SLC10A1: variants seen among roughly 807,000 people sequenced by gnomAD.
SLC10A1 encodes the protein hepatic sodium/bile acid cotransporter.
A neutral mutation model predicts 20.5 loss-of-function variants in SLC10A1; 36 were observed. That is an observed-to-expected ratio of 1.75 (90% CI 1.34 to 2.32). The LOEUF (loss-of-function observed/expected upper bound fraction) is 2.32, where lower values mean the gene tolerates loss of function less well. Ranked by LOEUF, SLC10A1 falls within the 30% of genes most tolerant of loss-of-function variation. The pLI, the probability that SLC10A1 is intolerant of heterozygous loss-of-function variation, is 0.00. For synonymous variants in SLC10A1, 188 were observed against 163.6 expected, an observed-to-expected ratio of 1.15 and a Z score of -1.14; for missense variants, 545 against 439.1, an observed-to-expected ratio of 1.24 and a Z score of -2.16.
intron 1 of SLC10A1, among the ~76,000 whole-genome samples, chr14:69,793,675 G>A (rs1255659952): frequency 6.6e-6 from 1 of 152,106 alleles, no homozygotes; most frequent in African/African-American, 2.4e-5. Flanking sequence ...AAGTGCTTGG[G>A]TTGTGTCCAA....
chr14:69,776,083 T>G lies in SLC10A1; in HGVS notation c.*199A>C, dbSNP rs201261380. The G allele has an allele frequency of 1.8e-6, 1 of 559,266 alleles. No individual in the cohort carries two copies. Among genetic ancestry groups the G allele is most frequent in the Non-Finnish European group, 3.2e-6 (1 of 315,478 alleles). 34.6% of individuals were successfully genotyped at this position (559,266 alleles called of 1,614,324 possible). A position where few individuals can be genotyped will look rare whatever the true frequency, so the allele number is the denominator to read the frequency against. Reference sequence around the variant, plus strand: ...CAAGTCTTTAAAATAAGTAGCAAATTCTAAGTTGGGGATAGGTGAGGCTTC... The same window carrying G: ...CAAGTCTTTAAAATAAGTAGCAAATGCTAAGTTGGGGATAGGTGAGGCTTC... On this transcript the variant is annotated 3_prime_UTR_variant, in exon 5 of 5. Transcript: ENST00000216540.
chr14:69,783,023 C>A (rs1883632391), intron 2 of SLC10A1, among the ~76,000 whole-genome samples: 1 of 152,058 alleles, frequency 6.6e-6, no homozygotes, highest in Non-Finnish European at 1.5e-5. Flanking sequence ...TTTTAATATT[C>A]TTTATATTTT....
intron 1 of SLC10A1, among the ~76,000 whole-genome samples, chr14:69,787,554 T>C (rs1027135478): frequency 2.0e-5 from 3 of 152,198 alleles, no homozygotes; most frequent in Non-Finnish European, 4.4e-5. Flanking sequence ...TAAATATGCA[T>C]GAAGAGCAGC....
intron 2 of SLC10A1, among the ~76,000 whole-genome samples, chr14:69,783,723 G>C (rs182828535): frequency 3.3e-5 from 5 of 152,324 alleles, no homozygotes; most frequent in East Asian, 1.9e-4. Context: ...CCTCAGGTTA[G>C]AACTGGGTGA....
intron 2 of SLC10A1, among the ~76,000 whole-genome samples, chr14:69,780,371 G>A (rs1883562087): frequency 7.6e-6 from 1 of 131,996 alleles, no homozygotes; most frequent in South Asian, 2.2e-4. Context: ...TTTATCTCCT[G>A]AGTAAAGAAA....
At chr14:69,777,134 TTTGG>T (rs933206495) in intron 4 of SLC10A1, among the ~76,000 whole-genome samples, 1 of 152,206 alleles carries the variant, frequency 6.6e-6, no homozygotes, top group East Asian at 1.9e-4. Context: ...AATCTGGGAA[TTTGG>T]TTGGTCTAGA....
intron 2 of SLC10A1, among the ~76,000 whole-genome samples, chr14:69,782,680 C>A (rs988526598): frequency 1.3e-5 from 2 of 151,876 alleles, no homozygotes; most frequent in East Asian, 3.9e-4. Context: ...TGGTGGCGGG[C>A]GCCTGTAGTC....
intron 1 of SLC10A1, among the ~76,000 whole-genome samples, chr14:69,786,985 A>C (rs1883731925): frequency 6.6e-6 from 1 of 152,238 alleles, no homozygotes; most frequent in Non-Finnish European, 1.5e-5. Flanking sequence ...GGACTGTAAA[A>C]GAAATAGTGA....
rs1883434503 is a variant in SLC10A1, at chr14:69,775,910, TGGGA to T, written c.*368_*371del. ...CTCTTTTGGGTCACAAAACTTGGAA[TGGGA>T]TTTGGGTATTTGAGTAATGGGTTAA... On this transcript the variant is annotated 3_prime_UTR_variant, in exon 5 of 5. Transcript: ENST00000216540. 6.1e-6 allele frequency: 1 copy of T among 164,084 alleles called. No individual in the cohort carries two copies. The highest frequency in any genetic ancestry group is 1.3e-5 in the Non-Finnish European group (1 of 76,248). The allele number at this position is 164,084 out of a possible 1,614,324, so 10.2% of individuals were successfully genotyped here.
Position 69,776,189 on chromosome 14 carries a change from A to T in SLC10A1, c.*93T>A. 2 of 831,918 alleles carry T rather than the reference A, an allele frequency of 2.4e-6. No individual in the cohort carries two copies. The highest frequency in any genetic ancestry group is 4.0e-6 in the Non-Finnish European group (2 of 503,864). The allele number at this position is 831,918 out of a possible 1,614,324, so 51.5% of individuals were successfully genotyped here. A position where few individuals can be genotyped will look rare whatever the true frequency, so the allele number is the denominator to read the frequency against. On this transcript the variant is annotated 3_prime_UTR_variant, in exon 5 of 5. Coordinates refer to ENST00000216540, the MANE Select transcript of SLC10A1 (RefSeq NM_003049.4). Reference sequence around the variant, plus strand: ...TACTGGAAATGCTGGAGAAAGACTCAGGCAAGACTGGTGTTTTTGCTGCTC... The same window carrying T: ...TACTGGAAATGCTGGAGAAAGACTCTGGCAAGACTGGTGTTTTTGCTGCTC...
intron 1 of SLC10A1, among the ~76,000 whole-genome samples, chr14:69,791,685 A>G (rs1254614562): frequency 6.6e-6 from 1 of 152,236 alleles, no homozygotes; most frequent in Non-Finnish European, 1.5e-5. Flanking sequence ...TGGAACTGGT[A>G]CAAGGGTAGC....
At chr14:69,793,982 G>A (rs1429303017) in intron 1 of SLC10A1, among the ~76,000 whole-genome samples, 1 of 152,182 alleles carries the variant, frequency 6.6e-6, no homozygotes, top group Non-Finnish European at 1.5e-5. Flanking sequence ...GGGATGGCAG[G>A]CTGTCCCCAG....
chr14:69,795,060 T>G (rs1882363011), intron 1 of SLC10A1, among the ~76,000 whole-genome samples: 1 of 152,188 alleles, frequency 6.6e-6, no homozygotes. Flanking sequence ...GGCCCCTGAC[T>G]TCTGCATCCC....
rs1332929282 is a variant in SLC10A1, at chr14:69,786,126, G to A, written c.538C>T (p.Arg180Trp). 8 of 1,614,014 alleles carry A rather than the reference G, an allele frequency of 5.0e-6. No individual in the cohort carries two copies. The highest frequency in any genetic ancestry group is 3.3e-5 in the Admixed American group (2 of 59,998). ...ATGACATAGCGCATGTATTGTGGCC[G>A]TTTGGATTTGAGGACGATCCCTATG... ...CTIGIVLKSK[R>W]PQYMRYVIKG... The change falls in exon 2 of 5, where the codon CGG (arginine) becomes TGG (tryptophan). Residue 180 changes from arginine to tryptophan, a missense_variant. Physicochemically the swap from Arg to Trp is moderately radical, Grantham distance 101. Transcript: ENST00000216540.
chr14:69,788,384 C>T (rs951987106), intron 1 of SLC10A1, among the ~76,000 whole-genome samples: 4 of 151,794 alleles, frequency 2.6e-5, no homozygotes, highest in Admixed American at 1.3e-4. Context: ...ATCTAAAGCA[C>T]GAACAGCCAA....
At chr14:69,789,914 G>GTT (rs61078487) in intron 1 of SLC10A1, among the ~76,000 whole-genome samples, 39,445 of 142,682 alleles carry the variant, frequency 0.28, 5,674 homozygotes, top group Admixed American at 0.35. Flanking sequence ...CAAAAATAGG[G>GTT]TTTTTTTTTT....
Position 69,786,186 on chromosome 14 carries a change from C to A in SLC10A1, c.478G>T (p.Val160Leu). ...ATGAGAACCAGGACCAGTGATATCA[C>A]GATGCCTTTATAGGGCACCTTGTCC... Reference protein sequence around the residue: ...LKDKVPYKGIVISLVLVLIPC... With the variant: ...LKDKVPYKGILISLVLVLIPC... The change falls in exon 2 of 5, where the codon GTG becomes TTG. Residue 160 changes from valine to leucine, a missense_variant. Coordinates refer to ENST00000216540, the MANE Select transcript of SLC10A1 (RefSeq NM_003049.4). The A allele has an allele frequency of 6.2e-7, 1 of 1,614,050 alleles. No homozygotes were observed. Among genetic ancestry groups the A allele is most frequent in the East Asian group, 2.2e-5 (1 of 44,878 alleles).
At chr14:69,788,900 A>G (rs11621916) in intron 1 of SLC10A1, among the ~76,000 whole-genome samples, 11,342 of 152,306 alleles carry the variant, frequency 0.074, 603 homozygotes, top group East Asian at 0.15. Flanking sequence ...AAAATGGGCC[A>G]AGGATTTGAA....
Position 69,778,579 on chromosome 14 carries a change from G to A in SLC10A1, c.747-50C>T, listed in dbSNP as rs200344196. ...ATACACTCAGAGGGAACTGGAGGGA[G>A]CAACTTTGTCCCAGTGCTGCTACCA... is the stretch of plus-strand genomic sequence containing the variant. On this transcript the variant is annotated intron_variant, in intron 3 of 4. Coordinates refer to ENST00000216540, the MANE Select transcript of SLC10A1 (RefSeq NM_003049.4). 5 of 1,485,934 alleles carry A rather than the reference G, an allele frequency of 3.4e-6. No homozygotes were observed. The East Asian group carries it at 9.2e-5, about 27-fold the overall frequency. The allele number at this position is 1,485,934 out of a possible 1,614,324, so 92.0% of individuals were successfully genotyped here.
Sources: gnomAD v4.1 joint callset for allele counts (sites outside exome capture counted in the v4.1 genomes callset) on GRCh38, gnomAD v4.1.1 for gene constraint, MANE v1.5 for transcripts, NCBI Gene and HGNC (gene_info 2026-07-23, HGNC 2026-07-21) for gene names.